LRFN5: variants seen among roughly 807,000 people sequenced by gnomAD.
LRFN5 encodes the protein leucine-rich repeat and fibronectin type-III domain-containing protein 5.
Under a neutral mutation model 45.6 loss-of-function variants are expected in LRFN5, and 24 were observed. The ratio of observed to expected loss-of-function variants is 0.53; its 90% CI spans 0.38 to 0.74. The LOEUF is 0.74. Among genes scored for constraint, LRFN5 ranks in the 30% least tolerant of loss-of-function variants. LRFN5 has a pLI of 0.00. For synonymous variants in LRFN5, 340 were observed against 313.8 expected, an observed-to-expected ratio of 1.08 and a Z score of -0.88; for missense variants, 776 against 861.5, an observed-to-expected ratio of 0.90 and a Z score of 1.24.
chr14:41,777,236 A>G (rs955009909), intron 2 of LRFN5, among the ~76,000 whole-genome samples: 1 of 151,630 alleles, frequency 6.6e-6, no homozygotes, highest in Non-Finnish European at 1.5e-5. Flanking sequence ...GTGAAAAATT[A>G]TGTTGTAAAT....
intron 2 of LRFN5, among the ~76,000 whole-genome samples, chr14:41,817,459 T>A (rs551239458): frequency 6.6e-6 from 1 of 152,196 alleles, no homozygotes; most frequent in Non-Finnish European, 1.5e-5. Context: ...GGAGTAGAAC[T>A]GTATTTTACG....
chr14:41,762,425 T>C (rs573147746), intron 1 of LRFN5, among the ~76,000 whole-genome samples: 1 of 152,268 alleles, frequency 6.6e-6, no homozygotes, highest in South Asian at 2.1e-4. Flanking sequence ...TTGTAAAAGT[T>C]TTCCTATAGC....
chr14:41,678,550 A>G (rs1195807676), intron 1 of LRFN5, among the ~76,000 whole-genome samples: 2 of 152,192 alleles, frequency 1.3e-5, no homozygotes, highest in Admixed American at 1.3e-4. Flanking sequence ...CACCTAACAG[A>G]CATTTATAGA....
intron 2 of LRFN5, among the ~76,000 whole-genome samples, chr14:41,870,409 A>G (rs372588457): frequency 5.4e-4 from 82 of 152,320 alleles, no homozygotes; most frequent in African/African-American, 1.9e-3. Context: ...AAAGAGGTTT[A>G]ATTGACTCAC....
intron 2 of LRFN5, among the ~76,000 whole-genome samples, chr14:41,843,493 C>T (rs1487491585): frequency 6.6e-6 from 1 of 151,970 alleles, no homozygotes; most frequent in African/African-American, 2.4e-5. Context: ...ATATCTTTGC[C>T]TACCCCTCTG....
At chr14:41,813,081 T>G (rs1471607665) in intron 2 of LRFN5, among the ~76,000 whole-genome samples, 1 of 152,162 alleles carries the variant, frequency 6.6e-6, no homozygotes, top group Non-Finnish European at 1.5e-5. Context: ...TAATACTGAT[T>G]ATGCAGAGAT....
intron 1 of LRFN5, among the ~76,000 whole-genome samples, chr14:41,753,197 C>T (rs4624064): frequency 0.69 from 100,282 of 145,650 alleles, 34,785 homozygotes; most frequent in East Asian, 0.95. Context: ...AGTCAGGTAG[C>T]ATGATGCCTC....
At chr14:41,687,642 G>A (rs756276952) in intron 1 of LRFN5, among the ~76,000 whole-genome samples, 7 of 152,160 alleles carry the variant, frequency 4.6e-5, no homozygotes, top group Non-Finnish European at 1.0e-4. Context: ...ATACACCATG[G>A]AATACTATGC....
intron 2 of LRFN5, among the ~76,000 whole-genome samples, chr14:41,803,228 A>G (rs1887399545): frequency 6.6e-6 from 1 of 152,202 alleles, no homozygotes; most frequent in Non-Finnish European, 1.5e-5. Context: ...TTCTTTTGAT[A>G]GCCAATGGAT....
At chr14:41,900,593 T>A (rs1020101441) in intron 5 of LRFN5, among the ~76,000 whole-genome samples, 4 of 152,136 alleles carry the variant, frequency 2.6e-5, no homozygotes, top group African/African-American at 9.7e-5. Context: ...CCTCTTTCTA[T>A]AAATATTAGC....
At chr14:41,651,747 A>G (rs1043790332) in intron 1 of LRFN5, among the ~76,000 whole-genome samples, 1 of 152,166 alleles carries the variant, frequency 6.6e-6, no homozygotes, top group Non-Finnish European at 1.5e-5. Context: ...ATTCTCAGCT[A>G]TTTTCATTTG....
At chr14:41,859,141 A>T (rs1478780922) in intron 2 of LRFN5, among the ~76,000 whole-genome samples, 1 of 152,202 alleles carries the variant, frequency 6.6e-6, no homozygotes, top group Non-Finnish European at 1.5e-5. Flanking sequence ...TACCTTTGTC[A>T]GGTGAACAAG....
At chr14:41,670,461 T>A (rs1345894156) in intron 1 of LRFN5, among the ~76,000 whole-genome samples, 1 of 150,974 alleles carries the variant, frequency 6.6e-6, no homozygotes, top group Non-Finnish European at 1.5e-5. Context: ...ATTAACCTAT[T>A]TAAAAATCAA....
At chr14:41,714,476 G>C (rs1210050902) in intron 1 of LRFN5, among the ~76,000 whole-genome samples, 1 of 152,020 alleles carries the variant, frequency 6.6e-6, no homozygotes, top group African/African-American at 2.4e-5. Context: ...TAACAAAATT[G>C]GATTAATTTT....
chr14:41,646,910 G>T (rs564688089), intron 1 of LRFN5, among the ~76,000 whole-genome samples: 1 of 152,230 alleles, frequency 6.6e-6, no homozygotes, highest in African/African-American at 2.4e-5. Flanking sequence ...CCACACTCTG[G>T]GTGCTTCCAT....
intron 2 of LRFN5, among the ~76,000 whole-genome samples, chr14:41,808,783 A>G (rs1258497632): frequency 6.6e-6 from 1 of 152,116 alleles, no homozygotes; most frequent in African/African-American, 2.4e-5. Context: ...CACTATTAGG[A>G]TAAGCTAAAG....
chr14:41,761,011 G>A (rs1327549694), intron 1 of LRFN5, among the ~76,000 whole-genome samples: 1 of 152,094 alleles, frequency 6.6e-6, no homozygotes, highest in Admixed American at 6.6e-5. Flanking sequence ...GCCCCTGATG[G>A]AAGTAGTGGA....
At chr14:41,669,564 A>T (rs888072400) in intron 1 of LRFN5, among the ~76,000 whole-genome samples, 1 of 151,966 alleles carries the variant, frequency 6.6e-6, no homozygotes, top group African/African-American at 2.4e-5. Context: ...ATTGATAAGC[A>T]TCTGTAAGCT....
Position 41,881,929 on chromosome 14 carries a change from T to C in LRFN5, c.-20-4677T>C, listed in dbSNP as rs1040253297. Among the ~76,000 whole-genome samples the C allele has an allele frequency of 6.6e-5, 10 of 152,236 alleles. 1 individual carries two copies. Among genetic ancestry groups the C allele is most frequent in the Admixed American group, 6.5e-4 (10 of 15,286 alleles). ...TTTATTATAGTAATTTTATGCTCCCTGTGGTAATTGTAATATCTGGGGTGT... is the reference window on the plus strand; with the variant it reads ...TTTATTATAGTAATTTTATGCTCCCCGTGGTAATTGTAATATCTGGGGTGT... On this transcript the variant is annotated intron_variant, in intron 2 of 5. Coordinates refer to ENST00000298119, the MANE Select transcript of LRFN5 (RefSeq NM_152447.5).
Sources: allele counts gnomAD v4.1 joint callset (sites outside exome capture counted in the v4.1 genomes callset), GRCh38; gene constraint gnomAD v4.1.1; transcripts MANE v1.5; gene names NCBI Gene and HGNC (gene_info 2026-07-23, HGNC 2026-07-21).